CFAP20DC: variants seen among roughly 807,000 people sequenced by gnomAD.
CFAP20DC encodes the protein protein CFAP20DC.
Under a neutral mutation model 101.7 loss-of-function variants are expected in CFAP20DC, and 84 were observed. That is an observed-to-expected ratio of 0.83 (90% confidence interval 0.69 to 0.99). The LOEUF (loss-of-function observed/expected upper bound fraction) is 0.99. CFAP20DC is among the 50% of genes least tolerant of loss of function. The pLI, the probability that CFAP20DC is intolerant of heterozygous loss-of-function variation, is 0.00. For synonymous variants in CFAP20DC, 359 were observed against 351.2 expected (o/e 1.02, Z -0.25); for missense variants, 1,007 against 970.3 (o/e 1.04, Z -0.50).
intron 4 of CFAP20DC, among the ~76,000 whole-genome samples, chr3:59,021,083 T>C (rs1332448985): frequency 5.3e-5 from 8 of 152,032 alleles, no homozygotes; most frequent in Non-Finnish European, 1.0e-4. Flanking sequence ...AGATGGAAGA[T>C]GGAAACAGTC....
chr3:59,038,359 G>C (rs1482909413), intron 4 of CFAP20DC, among the ~76,000 whole-genome samples: 1 of 152,132 alleles, frequency 6.6e-6, no homozygotes, highest in Non-Finnish European at 1.5e-5. Context: ...TTTGAAAATA[G>C]ACCAGCTTGG....
rs1230144877 is a variant in CFAP20DC, at chr3:58,788,144, T to A, written c.2237+18251A>T. Among the ~76,000 whole-genome samples the A allele has an allele frequency of 1.4e-4, 19 of 138,740 alleles. No homozygotes were observed. Among genetic ancestry groups the A allele is most frequent in the East Asian group, 4.1e-4 (2 of 4,844 alleles). The allele number at this position is 138,740 out of a possible 152,430, so 91.0% of individuals were successfully genotyped here. ...TTGTCCCAGAACTTAAAGTACAATT[T>A]AAAAAAAAAAAAGAGGAAGAAAACA... On this transcript the variant is annotated intron_variant, in intron 15 of 16. Transcript: ENST00000482387. The surrounding 1 kb of genome is among the most constrained non-coding windows in gnomAD (Gnocchi z 4.2).
At chr3:58,854,680 C>T (rs1278002228) in intron 12 of CFAP20DC, among the ~76,000 whole-genome samples, 3 of 151,460 alleles carry the variant, frequency 2.0e-5, no homozygotes, top group Admixed American at 6.6e-5. Context: ...GAAATAATGC[C>T]ACATATCTAC....
intron 4 of CFAP20DC, among the ~76,000 whole-genome samples, chr3:59,011,223 C>T (rs2093574700): frequency 6.6e-6 from 1 of 152,122 alleles, no homozygotes; most frequent in Non-Finnish European, 1.5e-5. Context: ...CATGGTGAAA[C>T]CCTGTCTCTA....
chr3:58,953,070 T>G (rs1414105792), intron 4 of CFAP20DC, among the ~76,000 whole-genome samples: 1 of 152,086 alleles, frequency 6.6e-6, no homozygotes, highest in Admixed American at 6.6e-5. Context: ...TGATACAGAC[T>G]GATAGGGGTG....
At chr3:58,818,605 T>C (rs1360815011) in intron 14 of CFAP20DC, among the ~76,000 whole-genome samples, 6 of 146,658 alleles carry the variant, frequency 4.1e-5, no homozygotes, top group Non-Finnish European at 9.1e-5. Context: ...CCTAAATATA[T>C]ATGCACCCAA....
rs889192721 is a variant in CFAP20DC at position 58,721,518 on chromosome 3, G to T, written c.198-3890C>A. The stretch of plus-strand genomic sequence containing the variant: ...TAAGCTGAGATCTGAAGGATACGGG[G>T]GCATTAATACATGCAACAGGGAAGG... On this transcript the variant is annotated intron_variant, in intron 3 of 3. Transcript: ENST00000486145. This position sits in a 1 kb window ranked among gnomAD's most constrained non-coding sequence, Gnocchi z 5.2. 2.0e-5 allele frequency among the ~76,000 whole-genome samples: 3 copies of T among 152,144 alleles called. No individual in the cohort carries two copies. The highest frequency in any genetic ancestry group is 2.9e-5 in the Non-Finnish European group (2 of 68,022).
intron 6 of CFAP20DC, among the ~76,000 whole-genome samples, chr3:58,895,396 A>AAGTTCCAC (rs2082588822): frequency 6.6e-6 from 1 of 152,210 alleles, no homozygotes; most frequent in African/African-American, 2.4e-5. Flanking sequence ...CTCAAGGTCA[A>AAGTTCCAC]AGTTCCACAA....
intron 6 of CFAP20DC, among the ~76,000 whole-genome samples, chr3:58,885,735 T>C (rs2081574240): frequency 1.3e-5 from 2 of 151,858 alleles, no homozygotes; most frequent in African/African-American, 4.8e-5. Context: ...TCCTGGCTTA[T>C]TTCACTTAAC....
chr3:58,923,873 T>C (rs947632969), intron 5 of CFAP20DC, among the ~76,000 whole-genome samples: 1 of 152,190 alleles, frequency 6.6e-6, no homozygotes, highest in Non-Finnish European at 1.5e-5. Context: ...ACATACATAC[T>C]AGACTGTGTG....
intron 3 of CFAP20DC, among the ~76,000 whole-genome samples, chr3:58,718,074 T>A (rs1353459046): frequency 6.6e-6 from 1 of 152,218 alleles, no homozygotes; most frequent in African/African-American, 2.4e-5. Context: ...GAGGCCAATT[T>A]TGTGCCTGGC....
chr3:58,775,343 T>C (rs927105541), intron 15 of CFAP20DC, among the ~76,000 whole-genome samples: 1 of 152,166 alleles, frequency 6.6e-6, no homozygotes, highest in South Asian at 2.1e-4. Context: ...TCACTTTGAA[T>C]AGAATGAGAG....
Position 59,022,768 on chromosome 3 carries a change from AG to A in CFAP20DC, c.278+16788del, listed in dbSNP as rs1244047410. Among the ~76,000 whole-genome samples, 3 of 152,214 alleles carry A rather than the reference AG, an allele frequency of 2.0e-5. No homozygotes were observed. In the East Asian group the frequency reaches 5.8e-4, roughly 29 times the overall value. ...GATCACTAATGTGTTCTAATAAACA[AG>A]GGCAGATGACTTGATTTTATTAAAG... On this transcript the variant is annotated intron_variant, in intron 4 of 16. Transcript: ENST00000482387.
rs1575511819 is a variant in CFAP20DC, at chr3:58,721,667, G to C, written c.198-4039C>G. Among the ~76,000 whole-genome samples the C allele has an allele frequency of 6.6e-6, 1 of 152,294 alleles. No homozygotes were observed. On this transcript the variant is annotated intron_variant, in intron 3 of 3. Transcript: ENST00000486145. This position sits in a 1 kb window ranked among gnomAD's most constrained non-coding sequence, Gnocchi z 5.2. Reference sequence around the variant, plus strand: ...TGTGGTCCAGACAAATCTGGAGGGAGGGGGAGGACTGTATCCCACAGGACT... The same window carrying C: ...TGTGGTCCAGACAAATCTGGAGGGACGGGGAGGACTGTATCCCACAGGACT...
At chr3:58,842,522 G>A (rs922780085) in intron 13 of CFAP20DC, among the ~76,000 whole-genome samples, 2 of 152,030 alleles carry the variant, frequency 1.3e-5, no homozygotes, top group Non-Finnish European at 2.9e-5. Flanking sequence ...CTACGCCCAC[G>A]GAATCTCGCT....
chr3:58,765,697 A>G (rs766167208), intron 15 of CFAP20DC, among the ~76,000 whole-genome samples: 3 of 152,206 alleles, frequency 2.0e-5, no homozygotes, highest in African/African-American at 7.2e-5. Context: ...ACCTGCTATC[A>G]TAAAGCTCTG....
At chr3:58,885,070 CTTA>C (rs2081511244) in intron 6 of CFAP20DC, among the ~76,000 whole-genome samples, 1 of 152,054 alleles carries the variant, frequency 6.6e-6, no homozygotes, top group Non-Finnish European at 1.5e-5. Context: ...AGTACATCAG[CTTA>C]TTTATATGAG....
Position 58,808,828 on chromosome 3 carries a change from T to G in CFAP20DC, c.2176-2372A>C, listed in dbSNP as rs1403431962. Among the ~76,000 whole-genome samples, 7 of 152,180 alleles carry G rather than the reference T, an allele frequency of 4.6e-5. No individual in the cohort carries two copies. The East Asian group carries it at 1.4e-3, about 29-fold the overall frequency. Reference sequence around the variant, plus strand: ...CTGTATTCAGGAAACCCATCTCACATGCAGAGACACACATAGGCTCAAAAT... The same window carrying G: ...CTGTATTCAGGAAACCCATCTCACAGGCAGAGACACACATAGGCTCAAAAT... On this transcript the variant is annotated intron_variant, in intron 14 of 16. Transcript: ENST00000482387.
intron 14 of CFAP20DC, among the ~76,000 whole-genome samples, chr3:58,810,201 T>G (rs955515693): frequency 6.6e-5 from 10 of 152,114 alleles, no homozygotes; most frequent in East Asian, 5.8e-4. Context: ...TAACTCATTT[T>G]ATGAGGCCAG....
Sources: allele counts gnomAD v4.1 joint callset (sites outside exome capture counted in the v4.1 genomes callset), GRCh38; gene constraint gnomAD v4.1.1; non-coding constraint Gnocchi (gnomAD v3.1); transcripts MANE v1.5; gene names NCBI Gene and HGNC (gene_info 2026-07-23, HGNC 2026-07-21).